EYS: variants seen among roughly 807,000 people sequenced by gnomAD.
The protein encoded by EYS is protein eyes shut homolog.
Under a neutral mutation model 282.1 loss-of-function variants are expected in EYS, and 250 were observed. The ratio of observed to expected loss-of-function variants is 0.89; its 90% CI spans 0.80 to 0.98. The LOEUF (loss-of-function observed/expected upper bound fraction) is 0.98. Among genes scored for constraint, EYS ranks in the 50% least tolerant of loss-of-function variants. The pLI is 0.00. For synonymous variants in EYS, 1,355 were observed against 1,282.9 expected, an observed-to-expected ratio of 1.06 and a Z score of -1.20; for missense variants, 4,016 against 3,709.0, an observed-to-expected ratio of 1.08 and a Z score of -2.15.
At chr6:64,429,383 A>T (rs1256468354) in intron 28 of EYS, among the ~76,000 whole-genome samples, 5 of 152,110 alleles carry the variant, frequency 3.3e-5, no homozygotes, top group Non-Finnish European at 5.9e-5. Flanking sequence ...GTAATCCCAG[A>T]ACTTTGGGAA....
chr6:65,073,369 C>T (rs1280079769), intron 12 of EYS, among the ~76,000 whole-genome samples: 1 of 151,564 alleles, frequency 6.6e-6, no homozygotes, highest in Non-Finnish European at 1.5e-5. Flanking sequence ...ATCATGAACA[C>T]CCAAGAATGC....
chr6:63,921,181 C>T (rs990559510), intron 35 of EYS, among the ~76,000 whole-genome samples: 2 of 152,218 alleles, frequency 1.3e-5, no homozygotes, highest in East Asian at 1.9e-4. Context: ...CAGGCGTGAG[C>T]CACCGCGCCG....
intron 33 of EYS, among the ~76,000 whole-genome samples, chr6:64,003,307 G>A (rs1768185019): frequency 6.6e-6 from 1 of 152,202 alleles, no homozygotes. Flanking sequence ...GAGAAGTGTA[G>A]TAGGGGTCTG....
chr6:63,731,583 T>C (rs184198161), intron 41 of EYS, among the ~76,000 whole-genome samples: 148 of 152,304 alleles, frequency 9.7e-4, no homozygotes, highest in African/African-American at 3.4e-3. Flanking sequence ...CACATAGTTA[T>C]GTATAATCAT....
chr6:64,930,949 A>T (rs1232451565), intron 15 of EYS, among the ~76,000 whole-genome samples: 2 of 152,148 alleles, frequency 1.3e-5, no homozygotes, highest in Non-Finnish European at 2.9e-5. Context: ...GAAAAATCAG[A>T]AATAAAGAAG....
At chr6:64,416,680 T>C (rs756721751) in intron 28 of EYS, among the ~76,000 whole-genome samples, 8 of 152,198 alleles carry the variant, frequency 5.3e-5, no homozygotes, top group Non-Finnish European at 8.8e-5. Context: ...TTTAACTTTA[T>C]TTCTGCATTT....
In EYS at chr6:65,142,839, G is replaced by T. The variant is rs1490114787; in HGVS notation, c.2024-85112C>A. Among the ~76,000 whole-genome samples the T allele has an allele frequency of 2.0e-5, 3 of 151,882 alleles. No individual in the cohort carries two copies. The South Asian group carries it at 6.2e-4, about 32-fold the overall frequency. On this transcript the variant is annotated intron_variant, in intron 12 of 42. Coordinates refer to ENST00000503581, the MANE Select transcript of EYS (RefSeq NM_001142800.2). ...TAGAAGATAGTGGAGTATTTTAAGT[G>T]TCAAAACACTTTAAAAATGAAGCAT...
rs927073391 is a variant in EYS, at chr6:65,494,833, G to C, written c.578C>G (p.Ala193Gly). ...ATGGCAGCTATATGTCTTGCTCCAAGCTTCACTAAGACATTTACCATGACC... is the reference window on the plus strand; with the variant it reads ...ATGGCAGCTATATGTCTTGCTCCAACCTTCACTAAGACATTTACCATGACC... ...CSGHGKCLSE[A>G]WSKTYSCHCQ... The change falls in exon 4 of 43, where the codon GCT (alanine) becomes GGT (glycine). Residue 193 changes from alanine (A) to glycine (G), a missense_variant. Physicochemically the swap from Ala to Gly is moderately conservative, Grantham distance 60. Coordinates refer to ENST00000503581, the MANE Select transcript of EYS (RefSeq NM_001142800.2). 3.1e-6 allele frequency: 5 copies of C among 1,613,928 alleles called. No homozygotes were observed. Among genetic ancestry groups the C allele is most frequent in the Middle Eastern group, 1.6e-4 (1 of 6,084 alleles).
chr6:64,249,297 CT>C (rs1221024816), intron 30 of EYS, among the ~76,000 whole-genome samples: 2 of 152,014 alleles, frequency 1.3e-5, no homozygotes, highest in Non-Finnish European at 2.9e-5. Flanking sequence ...ACAAATAGAA[CT>C]TGCTCTGACT....
intron 22 of EYS, among the ~76,000 whole-genome samples, chr6:64,650,155 G>T (rs1768507020): frequency 6.6e-6 from 1 of 151,978 alleles, no homozygotes; most frequent in Non-Finnish European, 1.5e-5. Flanking sequence ...ATATAGCCAT[G>T]CAAATACTAC....
intron 30 of EYS, among the ~76,000 whole-genome samples, chr6:64,232,547 G>C (rs187336946): frequency 6.6e-6 from 1 of 152,000 alleles, no homozygotes; most frequent in Non-Finnish European, 1.5e-5. Context: ...CCGCCACCAT[G>C]CCTGGTTAAT....
chr6:65,281,048 A>G (rs1468167815), intron 12 of EYS, among the ~76,000 whole-genome samples: 1 of 148,010 alleles, frequency 6.8e-6, no homozygotes, highest in African/African-American at 2.5e-5. Flanking sequence ...AAAAAAAAAA[A>G]AAAGAAAAGA....
chr6:63,833,268 A>G (rs1771698870), intron 36 of EYS, among the ~76,000 whole-genome samples: 1 of 152,202 alleles, frequency 6.6e-6, no homozygotes, highest in African/African-American at 2.4e-5. Context: ...GAAAAGAGGA[A>G]GTAAAATTGT....
chr6:65,212,071 A>C, intron 12 of EYS, among the ~76,000 whole-genome samples: 1 of 149,772 alleles, frequency 6.7e-6, no homozygotes, highest in East Asian at 1.9e-4. Flanking sequence ...AGATTCAGAA[A>C]ATTATTTATG....
intron 16 of EYS, among the ~76,000 whole-genome samples, chr6:64,907,030 TG>T (rs1165441910): frequency 6.6e-6 from 1 of 152,128 alleles, no homozygotes; most frequent in Admixed American, 6.5e-5. Context: ...TTAATCTTCA[TG>T]TGGTTTTGTG....
At chr6:65,503,225 T>A (rs939384846) in intron 2 of EYS, among the ~76,000 whole-genome samples, 30 of 151,810 alleles carry the variant, frequency 2.0e-4, no homozygotes, top group African/African-American at 5.8e-4. Context: ...ACAAATGATG[T>A]TGAACACCTT....
Position 65,435,899 on chromosome 6 carries a change from C to A in EYS, c.863-30532G>T, listed in dbSNP as rs905055662. Among the ~76,000 whole-genome samples, 14 of 152,052 alleles carry A rather than the reference C, an allele frequency of 9.2e-5. No individual in the cohort carries two copies. In the East Asian group the frequency reaches 2.7e-3, roughly 29 times the overall value. ...AAGACCATGTGAGGACACAAGATGG[C>A]CATTTAAAAGCCGAAAACAGAGAGG... On this transcript the variant is annotated intron_variant, in intron 5 of 42. Coordinates refer to ENST00000503581, the MANE Select transcript of EYS (RefSeq NM_001142800.2).
chr6:64,805,024 T>A (rs559081175), intron 22 of EYS, among the ~76,000 whole-genome samples: 1 of 152,206 alleles, frequency 6.6e-6, no homozygotes, highest in Admixed American at 6.5e-5. Context: ...ATTTGCTGAA[T>A]TAAGTTATAT....
chr6:63,804,102 C>T (rs149491664), intron 37 of EYS, among the ~76,000 whole-genome samples: 53 of 152,218 alleles, frequency 3.5e-4, no homozygotes, highest in Middle Eastern at 6.8e-3. Context: ...CTGCAACCTC[C>T]GCCTCCTGGG....
Sources: allele counts gnomAD v4.1 joint callset (sites outside exome capture counted in the v4.1 genomes callset), GRCh38; gene constraint gnomAD v4.1.1; transcripts MANE v1.5; gene names NCBI Gene and HGNC (gene_info 2026-07-23, HGNC 2026-07-21).